Variants in LDLRAD4 observed in about 807,000 individuals in gnomAD.
LDLRAD4 encodes low density lipoprotein receptor class A domain containing 4.
LDLRAD4 carries 5 observed loss-of-function variants against 17.0 expected under a neutral mutation model. The ratio of observed to expected loss-of-function variants is 0.29; its 90% confidence interval spans 0.15 to 0.62. The LOEUF (loss-of-function observed/expected upper bound fraction) is 0.62. Among genes scored for constraint, LDLRAD4 ranks in the 20% least tolerant of loss-of-function variants. LDLRAD4 has a pLI of 0.84. For synonymous variants in LDLRAD4, 168 were observed against 171.8 expected (o/e 0.98, Z 0.17); for missense variants, 340 against 424.7 (o/e 0.80, Z 1.75).
intron 3 of LDLRAD4, among the ~76,000 whole-genome samples, chr18:13,581,889 G>A (rs1019040388): frequency 6.6e-6 from 1 of 152,162 alleles, no homozygotes; most frequent in African/African-American, 2.4e-5. Flanking sequence ...GTATGTGTGT[G>A]CATGTATGTT....
intron 2 of LDLRAD4, among the ~76,000 whole-genome samples, chr18:13,413,572 G>T (rs1214636705): frequency 6.6e-6 from 1 of 152,190 alleles, no homozygotes; most frequent in Non-Finnish European, 1.5e-5. Context: ...CTGGTAGAAT[G>T]TGATTTGGGA....
chr18:13,478,431 G>GTGTT (rs1431761139), intron 3 of LDLRAD4, among the ~76,000 whole-genome samples: 1 of 152,166 alleles, frequency 6.6e-6, no homozygotes, highest in Non-Finnish European at 1.5e-5. Flanking sequence ...AAATTCAGCT[G>GTGTT]TGTCTGTTCT....
intron 2 of LDLRAD4, among the ~76,000 whole-genome samples, chr18:13,391,678 A>G (rs2086283601): frequency 1.1e-5 from 1 of 93,908 alleles, no homozygotes; most frequent in African/African-American, 3.4e-5. Flanking sequence ...CGCAAGAGTC[A>G]AAAGAAAAAT....
At chr18:13,411,631 T>C (rs1370436582) in intron 2 of LDLRAD4, among the ~76,000 whole-genome samples, 3 of 152,206 alleles carry the variant, frequency 2.0e-5, no homozygotes, top group Non-Finnish European at 2.9e-5. Flanking sequence ...TCTTGCCTGC[T>C]ACCAGGTAAG....
At chr18:13,596,565 A>G (rs181518890) in intron 3 of LDLRAD4, among the ~76,000 whole-genome samples, 29 of 152,294 alleles carry the variant, frequency 1.9e-4, no homozygotes, top group Admixed American at 1.5e-3. Context: ...TTACTCCAAT[A>G]TAGCTGTTTT....
rs375907211 is a variant in LDLRAD4, at chr18:13,595,862, A to G, written c.182-25255A>G. 5.7e-4 allele frequency among the ~76,000 whole-genome samples: 87 copies of G among 152,306 alleles called. 2 individuals are homozygous for G. The East Asian group carries it at 6.2e-3, about 11-fold the overall frequency. ...CTACTGTTGTAGACTAGAGTGTTCTATAGAGGTCCATCTGTTAGGTTTATT... is the reference window on the plus strand; with the variant it reads ...CTACTGTTGTAGACTAGAGTGTTCTGTAGAGGTCCATCTGTTAGGTTTATT... On this transcript the variant is annotated intron_variant, in intron 3 of 5. Transcript: ENST00000359446.
At chr18:13,554,125 C>T (rs1156438988) in intron 3 of LDLRAD4, among the ~76,000 whole-genome samples, 24 of 152,208 alleles carry the variant, frequency 1.6e-4, no homozygotes, top group Non-Finnish European at 2.9e-5. Flanking sequence ...TCCTGATACA[C>T]AGTAGGCACT....
chr18:13,332,556 G>T (rs745909212), intron 1 of LDLRAD4, among the ~76,000 whole-genome samples: 10 of 152,110 alleles, frequency 6.6e-5, no homozygotes, highest in African/African-American at 9.7e-5. Flanking sequence ...TGCCTCACCT[G>T]TTCATCTCTC....
intron 2 of LDLRAD4, among the ~76,000 whole-genome samples, chr18:13,433,753 T>C (rs1004245355): frequency 4.6e-5 from 7 of 152,134 alleles, no homozygotes; most frequent in Non-Finnish European, 7.4e-5. Flanking sequence ...ATATTCCATT[T>C]CCCCCCTAGT....
chr18:13,388,428 G>A (rs535773903), intron 2 of LDLRAD4, among the ~76,000 whole-genome samples: 2 of 152,314 alleles, frequency 1.3e-5, no homozygotes, highest in South Asian at 2.1e-4. Context: ...CTGGCTCCTC[G>A]TAGACAGACT....
intron 3 of LDLRAD4, among the ~76,000 whole-genome samples, chr18:13,447,075 G>C (rs1251771125): frequency 6.6e-6 from 1 of 152,234 alleles, no homozygotes; most frequent in Non-Finnish European, 1.5e-5. Flanking sequence ...CATGTTCAAT[G>C]AATCAGGCTG....
At chr18:13,244,699 C>G (rs954841104) in intron 1 of LDLRAD4, among the ~76,000 whole-genome samples, 13 of 152,226 alleles carry the variant, frequency 8.5e-5, no homozygotes, top group African/African-American at 2.6e-4. Flanking sequence ...CCCTCTTCCC[C>G]CAAGACACAC....
chr18:13,256,467 A>C (rs942940510), intron 1 of LDLRAD4, among the ~76,000 whole-genome samples: 13 of 152,242 alleles, frequency 8.5e-5, no homozygotes, highest in Non-Finnish European at 1.5e-4. Flanking sequence ...AACAAGATCC[A>C]AGGGGATTCT....
chr18:13,373,240 C>T (rs763048352), intron 1 of LDLRAD4, among the ~76,000 whole-genome samples: 3 of 152,072 alleles, frequency 2.0e-5, no homozygotes, highest in Admixed American at 6.6e-5. Flanking sequence ...GCAGTTGTAG[C>T]GCTCTGGCTT....
intron 1 of LDLRAD4, among the ~76,000 whole-genome samples, chr18:13,246,015 G>A (rs1318801142): frequency 2.0e-5 from 3 of 152,268 alleles, no homozygotes; most frequent in Non-Finnish European, 1.5e-5. Context: ...GGCACTGACA[G>A]ATGTATAAGT....
rs922823534 is a variant in LDLRAD4, at chr18:13,458,034, G to A, written c.181+19650G>A. Among the ~76,000 whole-genome samples the A allele has an allele frequency of 4.1e-4, 62 of 152,122 alleles. 4 individuals carry two copies. The highest frequency in any genetic ancestry group is 1.5e-5 in the Non-Finnish European group (1 of 68,020). On this transcript the variant is annotated intron_variant, in intron 3 of 5. Transcript: ENST00000359446. ...TCATACGTGTTCTCATGACTTCTTTGCTTTTCCTAATGGTGAGTTCGGTAG... is the reference window on the plus strand; with the variant it reads ...TCATACGTGTTCTCATGACTTCTTTACTTTTCCTAATGGTGAGTTCGGTAG...
intron 1 of LDLRAD4, among the ~76,000 whole-genome samples, chr18:13,252,399 G>T (rs2145837305): frequency 6.6e-6 from 1 of 152,348 alleles, no homozygotes; most frequent in African/African-American, 2.4e-5. Flanking sequence ...AAAGTGCTGG[G>T]ATTACAGGCG....
intron 2 of LDLRAD4, among the ~76,000 whole-genome samples, chr18:13,430,949 G>A (rs11080651): frequency 0.081 from 12,269 of 152,212 alleles, 1,374 homozygotes; most frequent in African/African-American, 0.26. Flanking sequence ...TGTGTCTGAA[G>A]TACCATTGAT....
intron 4 of LDLRAD4, among the ~76,000 whole-genome samples, chr18:13,625,434 A>G (rs1038477646): frequency 4.6e-5 from 7 of 152,116 alleles, no homozygotes. Flanking sequence ...CCGCCCTGCT[A>G]TGAGCGGCCC....
Sources: gnomAD v4.1 joint callset for allele counts (sites outside exome capture counted in the v4.1 genomes callset) on GRCh38, gnomAD v4.1.1 for gene constraint, MANE v1.5 for transcripts, NCBI Gene and HGNC (gene_info 2026-07-23, HGNC 2026-07-21) for gene names.